Variants in ADSS1 observed in about 807,000 individuals in gnomAD.
ADSS1 encodes adenylosuccinate synthase 1.
ADSS1 carries 57 observed loss-of-function variants against 59.1 expected under a neutral mutation model. The observed-to-expected ratio is 0.97, with a 90% CI of 0.78 to 1.20. ADSS1 has a LOEUF of 1.20. Ranked by LOEUF, ADSS1 falls within the 50% of genes most tolerant of loss-of-function variation. The pLI is 0.00. For missense variants in ADSS1, 603 were observed against 610.3 expected, an observed-to-expected ratio of 0.99 and a Z score of 0.13; for synonymous variants, 247 against 249.4, an observed-to-expected ratio of 0.99 and a Z score of 0.09.
At chr14:104,727,310 C>T in intron 1 of ADSS1, among the ~76,000 whole-genome samples, 1 of 152,084 alleles carries the variant, frequency 6.6e-6, no homozygotes, top group Non-Finnish European at 1.5e-5. Context: ...TTTGCATCCC[C>T]CACCTTCTGA....
At chr14:104,728,378 T>C (rs1269214882) in intron 1 of ADSS1, among the ~76,000 whole-genome samples, 1 of 152,102 alleles carries the variant, frequency 6.6e-6, no homozygotes. Flanking sequence ...CCCTGCCTCA[T>C]TGCAGGAACA....
rs71421880 is a variant in ADSS1 at position 104,739,835 on chromosome 14, T to A, written c.476+19T>A. 169,982 of 1,612,782 alleles carry A rather than the reference T, an allele frequency of 0.11. 9,620 individuals are homozygous for A. Among genetic ancestry groups the A allele is most frequent in the Non-Finnish European group, 0.12 (137,400 of 1,179,406 alleles). ...GGAAGAAGTAAGTCTGCCGGGACACTCTCACCCTCGGGGAGTCTTCTGGGC... is the reference window on the plus strand; with the variant it reads ...GGAAGAAGTAAGTCTGCCGGGACACACTCACCCTCGGGGAGTCTTCTGGGC... On this transcript the variant is annotated intron_variant, in intron 5 of 12. Transcript: ENST00000330877.
At chr14:104,729,563 G>A (rs1382981932) in intron 1 of ADSS1, among the ~76,000 whole-genome samples, 3 of 103,240 alleles carry the variant, frequency 2.9e-5, no homozygotes, top group South Asian at 4.2e-4. Flanking sequence ...TCGGCGTGGT[G>A]GGGAGGAGCG....
At chr14:104,726,643 G>A (rs1474256203) in intron 1 of ADSS1, among the ~76,000 whole-genome samples, 1 of 152,238 alleles carries the variant, frequency 6.6e-6, no homozygotes, top group East Asian at 1.9e-4. Flanking sequence ...TTCTTACTTG[G>A]AGTGTGGATG....
At chr14:104,746,196 G>A (rs764602920) in intron 11 of ADSS1, 40 bp from the exon 12 acceptor site, 8 of 1,568,590 alleles carry the variant, frequency 5.1e-6, no homozygotes, top group Non-Finnish European at 7.0e-6. Flanking sequence ...GGTGATAGGA[G>A]GTCTGTGGGC....
chr14:104,741,378 G>A (rs1352890528), intron 8 of ADSS1, 135 bp downstream of exon 8: 48 of 1,199,694 alleles, frequency 4.0e-5, no homozygotes, highest in Middle Eastern at 5.6e-4. Context: ...ATCCATGCCC[G>A]CGGAAATGAT....
intron 2 of ADSS1, among the ~76,000 whole-genome samples, chr14:104,736,092 G>A (rs968817119): frequency 1.3e-5 from 2 of 152,204 alleles, no homozygotes; most frequent in African/African-American, 4.8e-5. Context: ...CTGCCGCAGG[G>A]GCCATGTGTG....
chr14:104,737,472 T>G (rs1891175991), intron 2 of ADSS1: 1 of 152,230 alleles, frequency 6.6e-6, no homozygotes, highest in Non-Finnish European at 1.5e-5. Context: ...ACAGTTGATT[T>G]CTCCTTTTGT....
At position 104,739,792 on chromosome 14, in the gene ADSS1, AGC is replaced by A. The variant is rs753181410; in HGVS notation, c.455_456del (p.Arg152ProfsTer38). The A allele has an allele frequency of 6.2e-7, 1 of 1,613,896 alleles. No individual in the cohort carries two copies. Among genetic ancestry groups the A allele is most frequent in the South Asian group, 1.1e-5 (1 of 91,070 alleles). On this transcript the variant is annotated frameshift_variant, in exon 5 of 13. Transcript: ENST00000330877. LOFTEE classifies it high-confidence loss of function. ...GCTGTCGACGGACTTCAGGAAGTGC[AGC>A]GCCAGGCACAAGAGGGGAAGAAGTA...
rs145283406 is a variant in ADSS1 at position 104,729,048 on chromosome 14, G to A, written c.192+4586G>A. Among the ~76,000 whole-genome samples, 938 of 152,306 alleles carry A rather than the reference G, an allele frequency of 6.2e-3. 8 individuals are homozygous for A. The highest frequency in any genetic ancestry group is 0.044 in the Middle Eastern group (13 of 294). ...AAGGCTCTGGAGCATGGGAGGTAGC[G>A]AGCCTCGTCCAGGTGTTGCTGCAGG... is the stretch of plus-strand genomic sequence containing the variant. On this transcript the variant is annotated intron_variant, in intron 1 of 12. Transcript: ENST00000330877.
Position 104,747,162 on chromosome 14 carries a change from T to A in ADSS1, c.*159T>A. On this transcript the variant is annotated 3_prime_UTR_variant, in exon 13 of 13. Transcript: ENST00000330877. Reference sequence around the variant, plus strand: ...AACCTGTTGGTTTCTACAATGATTTTAAACATTGGAAAGCCAGCCTTGTGT... The same window carrying A: ...AACCTGTTGGTTTCTACAATGATTTAAAACATTGGAAAGCCAGCCTTGTGT... 1 of 623,538 alleles carries A rather than the reference T, an allele frequency of 1.6e-6. No individual in the cohort carries two copies. Among genetic ancestry groups the A allele is most frequent in the Non-Finnish European group, 2.6e-6 (1 of 385,418 alleles). The allele number at this position is 623,538 out of a possible 1,614,324, so 38.6% of individuals were successfully genotyped here.
intron 9 of ADSS1, among the ~76,000 whole-genome samples, chr14:104,742,693 C>T (rs1027078972): frequency 3.9e-5 from 6 of 152,242 alleles, no homozygotes; most frequent in Admixed American, 3.9e-4. Flanking sequence ...GAGATACACA[C>T]ACCCCTGACC....
chr14:104,740,958 C>T lies in ADSS1; in HGVS notation c.666+38C>T. On this transcript the variant is annotated intron_variant, in intron 7 of 12. Transcript: ENST00000330877. The surrounding 1 kb of genome is among the most constrained non-coding windows in gnomAD (Gnocchi z 4.8). ...CCGCAGTGTGGGGGCTGCGGAAGTG[C>T]TCCTCCAGGGAGGCTGGATGTCCTA... 1 of 1,612,814 alleles carries T rather than the reference C, an allele frequency of 6.2e-7. No homozygotes were observed. The highest frequency in any genetic ancestry group is 1.1e-5 in the South Asian group (1 of 91,058).
intron 3 of ADSS1, 146 bp downstream of exon 3, chr14:104,738,584 G>A (rs1199155417): frequency 4.4e-5 from 39 of 882,888 alleles, no homozygotes; most frequent in African/African-American, 8.4e-5. Context: ...ATCACCCGCC[G>A]GCTCTACCCG....
At chr14:104,739,233 T>A in intron 3 of ADSS1, 95 bp from the exon 4 acceptor site, 1 of 1,351,374 alleles carries the variant, frequency 7.4e-7, no homozygotes, top group East Asian at 2.5e-5. Context: ...CTTACCTGGA[T>A]GGGAGCCGGG....
At chr14:104,742,899 T>G (rs1266221380) in intron 9 of ADSS1, among the ~76,000 whole-genome samples, 168 bp from the exon 10 acceptor site, 3 of 152,132 alleles carry the variant, frequency 2.0e-5, no homozygotes, top group Non-Finnish European at 4.4e-5. Context: ...TGGACAGGCT[T>G]ACCAGGGGTG....
chr14:104,730,083 G>A, intron 1 of ADSS1: 1 of 1,557,500 alleles, frequency 6.4e-7, no homozygotes. Context: ...CCCAGTGCCT[G>A]TGGAGGCCCA....
At chr14:104,729,456 T>A (rs1190194180) in intron 1 of ADSS1, among the ~76,000 whole-genome samples, 1 of 149,778 alleles carries the variant, frequency 6.7e-6, no homozygotes, top group Non-Finnish European at 1.5e-5. Context: ...GGAGACGCCT[T>A]GCACGTGTCA....
intron 4 of ADSS1, 132 bp downstream of exon 4, chr14:104,739,510 T>C: frequency 9.1e-7 from 1 of 1,097,420 alleles, no homozygotes; most frequent in East Asian, 2.6e-5. Context: ...TCCATTAGCT[T>C]GTACATTACC....
Sources: gnomAD v4.1 joint callset for allele counts (sites outside exome capture counted in the v4.1 genomes callset) on GRCh38, gnomAD v4.1.1 for gene constraint, Gnocchi (gnomAD v3.1) non-coding constraint, MANE v1.5 for transcripts, NCBI Gene and HGNC (gene_info 2026-07-23, HGNC 2026-07-21) for gene names.